The following TEC variants were observed in gnomAD, a reference collection of about 807,000 sequenced individuals.
TEC encodes the protein tyrosine-protein kinase Tec.
Under a neutral mutation model 93.0 loss-of-function variants are expected in TEC, and 72 were observed. That is an observed-to-expected ratio of 0.77 (90% CI 0.64 to 0.94). The LOEUF is 0.94. TEC is among the 40% of genes least tolerant of loss of function. The probability of loss-of-function intolerance (pLI) is 0.00; values close to 1 mark genes in which losing one functional copy is unlikely to be tolerated. For synonymous variants in TEC, 249 were observed against 247.7 expected (o/e 1.01, Z -0.05); for missense variants, 630 against 757.9 (o/e 0.83, Z 1.98).
chr4:48,206,133 T>C (rs367727994), intron 2 of TEC, among the ~76,000 whole-genome samples: 1 of 145,184 alleles, frequency 6.9e-6, no homozygotes, highest in Non-Finnish European at 1.5e-5. Flanking sequence ...GTCAAATCCA[T>C]ATAGACAAGA....
At chr4:48,199,591 C>T (rs1043987368) in intron 2 of TEC, among the ~76,000 whole-genome samples, 7 of 147,188 alleles carry the variant, frequency 4.8e-5, no homozygotes, top group Non-Finnish European at 9.0e-5. Context: ...CTCAGCGTCC[C>T]GAGTAGCTGG....
chr4:48,199,811 A>G (rs2109594210), intron 2 of TEC, among the ~76,000 whole-genome samples: 1 of 152,228 alleles, frequency 6.6e-6, no homozygotes, highest in East Asian at 1.9e-4. Context: ...AACCATGGCA[A>G]TATTACTAAC....
chr4:48,164,965 T>C (rs1363412500), intron 7 of TEC, among the ~76,000 whole-genome samples: 1 of 151,814 alleles, frequency 6.6e-6, no homozygotes, highest in Admixed American at 6.6e-5. Flanking sequence ...ATCACGCCAC[T>C]GCACTCCAGC....
At chr4:48,267,113 A>G (rs1458707015) in intron 1 of TEC, among the ~76,000 whole-genome samples, 1 of 152,244 alleles carries the variant, frequency 6.6e-6, no homozygotes, top group Non-Finnish European at 1.5e-5. Flanking sequence ...GGAGAAATGT[A>G]ACTTGGATAA....
At chr4:48,166,415 T>A (rs1720876072) in intron 7 of TEC, among the ~76,000 whole-genome samples, 1 of 152,212 alleles carries the variant, frequency 6.6e-6, no homozygotes, top group African/African-American at 2.4e-5. Flanking sequence ...TGGATTCTCA[T>A]TTGTACTCTT....
chr4:48,163,789 T>C, intron 7 of TEC, 22 bp from the exon 8 acceptor site: 2 of 1,325,102 alleles, frequency 1.5e-6, no homozygotes, highest in Non-Finnish European at 2.1e-6. Context: ...AAAAATACTT[T>C]AGGTAAACTT....
intron 2 of TEC, among the ~76,000 whole-genome samples, chr4:48,196,255 G>A (rs1376794746): frequency 6.6e-6 from 1 of 152,136 alleles, no homozygotes; most frequent in Non-Finnish European, 1.5e-5. Flanking sequence ...ATCTCCCTGG[G>A]CTAAGAACCA....
intron 1 of TEC, among the ~76,000 whole-genome samples, chr4:48,253,834 C>A (rs186429066): frequency 6.6e-6 from 1 of 152,080 alleles, no homozygotes; most frequent in Admixed American, 6.5e-5. Flanking sequence ...CTAGGCCCCC[C>A]CAAAGCGCTG....
chr4:48,176,378 A>C (rs1721325151), intron 2 of TEC, among the ~76,000 whole-genome samples, 192 bp from the exon 3 acceptor site: 1 of 151,962 alleles, frequency 6.6e-6, no homozygotes, highest in African/African-American at 2.4e-5. Context: ...AAATTATTAA[A>C]TCCTTTAATT....
At chr4:48,156,993 TATAC>T (rs1202372332) in intron 8 of TEC, among the ~76,000 whole-genome samples, 1 of 152,230 alleles carries the variant, frequency 6.6e-6, no homozygotes, top group African/African-American at 2.4e-5. Flanking sequence ...CTACATAGGC[TATAC>T]GATAACCTGA....
intron 2 of TEC, among the ~76,000 whole-genome samples, chr4:48,219,000 T>C (rs1723167811): frequency 6.6e-6 from 1 of 152,182 alleles, no homozygotes; most frequent in African/African-American, 2.4e-5. Flanking sequence ...AGGCACAAAG[T>C]ATTTCAGTAT....
At chr4:48,245,929 G>A (rs555404900) in intron 1 of TEC, among the ~76,000 whole-genome samples, 51 of 152,130 alleles carry the variant, frequency 3.4e-4, no homozygotes, top group Middle Eastern at 3.4e-3. Context: ...TGACCAGCAT[G>A]GTGAAACCCA....
In TEC at chr4:48,218,359, A is replaced by G. The variant is rs1419065542; in HGVS notation, c.138+10118T>C. Reference sequence around the variant, plus strand: ...GTTGTTATACAGAAGATGGCTTGCTATGTTGCCCAGGCTGGTCTCAAACTC... The same window carrying G: ...GTTGTTATACAGAAGATGGCTTGCTGTGTTGCCCAGGCTGGTCTCAAACTC... On this transcript the variant is annotated intron_variant, in intron 2 of 17. Transcript: ENST00000381501. Among the ~76,000 whole-genome samples the G allele has an allele frequency of 2.0e-5, 3 of 152,138 alleles. No individual in the cohort carries two copies. The East Asian group carries it at 5.8e-4, about 29-fold the overall frequency.
chr4:48,241,024 A>C (rs1723910120), intron 1 of TEC, among the ~76,000 whole-genome samples: 1 of 152,210 alleles, frequency 6.6e-6, no homozygotes, highest in Non-Finnish European at 1.5e-5. Flanking sequence ...TAACAAATAA[A>C]AATTATCAAC....
intron 8 of TEC, among the ~76,000 whole-genome samples, chr4:48,160,118 C>A (rs369797861): frequency 2.2e-4 from 34 of 152,282 alleles, no homozygotes; most frequent in East Asian, 9.6e-4. Flanking sequence ...GTAGTATTAT[C>A]ACCACTGTTT....
chr4:48,157,724 C>T (rs914861872), intron 8 of TEC, among the ~76,000 whole-genome samples: 22 of 152,150 alleles, frequency 1.4e-4, no homozygotes, highest in African/African-American at 5.1e-4. Context: ...CTGTGTTGGC[C>T]AGGCTGGTCT....
At chr4:48,191,179 A>G (rs1360054383) in intron 2 of TEC, among the ~76,000 whole-genome samples, 1 of 152,154 alleles carries the variant, frequency 6.6e-6, no homozygotes. Context: ...CTCCTAGATT[A>G]TTTTCAGGAT....
At chr4:48,177,640 C>T (rs904232913) in intron 2 of TEC, among the ~76,000 whole-genome samples, 1 of 152,174 alleles carries the variant, frequency 6.6e-6, no homozygotes, top group Non-Finnish European at 1.5e-5. Context: ...TATGCACACA[C>T]TAGAACCCCA....
intron 2 of TEC, among the ~76,000 whole-genome samples, chr4:48,214,443 G>C (rs1400138358): frequency 2.0e-5 from 3 of 152,172 alleles, no homozygotes; most frequent in Non-Finnish European, 4.4e-5. Flanking sequence ...GTTATGGTTT[G>C]ACCTAACGAT....
Sources: gnomAD v4.1 joint callset for allele counts (sites outside exome capture counted in the v4.1 genomes callset) on GRCh38, gnomAD v4.1.1 for gene constraint, MANE v1.5 for transcripts, NCBI Gene and HGNC (gene_info 2026-07-23, HGNC 2026-07-21) for gene names.